Variants in NSMCE2 observed in about 807,000 individuals in gnomAD.
The protein encoded by NSMCE2 is NSE2 SUMO ligase component of SMC5/6 complex.
In NSMCE2, 24 loss-of-function variants were observed where a neutral mutation model predicts 23.8. The observed-to-expected ratio is 1.01, with a 90% CI of 0.73 to 1.42. NSMCE2 has a LOEUF of 1.42. NSMCE2 is among the 40% of genes most tolerant of loss of function. The probability of loss-of-function intolerance (pLI) is 0.00; values close to 1 mark genes in which losing one functional copy is unlikely to be tolerated. For missense variants in NSMCE2, 284 were observed against 296.5 expected, an observed-to-expected ratio of 0.96 and a Z score of 0.31; for synonymous variants, 92 against 94.1, an observed-to-expected ratio of 0.98 and a Z score of 0.13.
intron 5 of NSMCE2, among the ~76,000 whole-genome samples, chr8:125,347,576 C>G (rs1034853228): frequency 5.5e-4 from 83 of 152,188 alleles, no homozygotes; most frequent in African/African-American, 2.0e-3. Context: ...AAATGCAAGT[C>G]TAGTTGAGTT....
chr8:125,179,339 A>G (rs1035614466), intron 4 of NSMCE2, among the ~76,000 whole-genome samples: 2 of 152,162 alleles, frequency 1.3e-5, no homozygotes, highest in African/African-American at 4.8e-5. Context: ...CCTGTCTCTT[A>G]ATTTAAAACA....
intron 5 of NSMCE2, among the ~76,000 whole-genome samples, chr8:125,350,054 A>G (rs1157850910): frequency 3.3e-5 from 5 of 152,202 alleles, no homozygotes; most frequent in African/African-American, 4.8e-5. Context: ...TGCTTGTCAG[A>G]TGTTTATTGA....
intron 5 of NSMCE2, among the ~76,000 whole-genome samples, chr8:125,339,501 A>G: frequency 6.6e-6 from 1 of 152,126 alleles, no homozygotes; most frequent in East Asian, 1.9e-4. Context: ...CATTTAAATA[A>G]TCATAATCCT....
chr8:125,320,137 C>A (rs1829367221), intron 5 of NSMCE2, among the ~76,000 whole-genome samples: 1 of 150,034 alleles, frequency 6.7e-6, no homozygotes, highest in Non-Finnish European at 1.5e-5. Flanking sequence ...GATCACACCA[C>A]CACACTCCGG....
intron 5 of NSMCE2, chr8:125,351,383 A>G (rs1002104572): frequency 5.3e-5 from 8 of 151,754 alleles, no homozygotes; most frequent in African/African-American, 1.7e-4. Context: ...CGAGTTACCT[A>G]ACTCTACCTT....
intron 3 of NSMCE2, among the ~76,000 whole-genome samples, chr8:125,126,357 T>G: frequency 6.7e-6 from 1 of 149,586 alleles, no homozygotes; most frequent in African/African-American, 2.5e-5. Flanking sequence ...GGTGACAGTG[T>G]GAGACTCTGT....
intron 5 of NSMCE2, among the ~76,000 whole-genome samples, chr8:125,239,438 A>G (rs1825678711): frequency 6.6e-6 from 1 of 152,110 alleles, no homozygotes; most frequent in Non-Finnish European, 1.5e-5. Flanking sequence ...ATAAAGCCCC[A>G]TCTCTATTAA....
At chr8:125,353,666 C>T (rs1177478810) in intron 5 of NSMCE2, among the ~76,000 whole-genome samples, 1 of 152,048 alleles carries the variant, frequency 6.6e-6, no homozygotes, top group Non-Finnish European at 1.5e-5. Flanking sequence ...AGGCGGATCA[C>T]AAGGTCAGGA....
chr8:125,252,069 T>A (rs1826218615), intron 5 of NSMCE2, among the ~76,000 whole-genome samples: 1 of 152,176 alleles, frequency 6.6e-6, no homozygotes, highest in African/African-American at 2.4e-5. Context: ...CTGGAGATGG[T>A]TGAATCCTTG....
At chr8:125,341,667 G>A (rs1830252041) in intron 5 of NSMCE2, among the ~76,000 whole-genome samples, 1 of 152,040 alleles carries the variant, frequency 6.6e-6, no homozygotes, top group East Asian at 1.9e-4. Context: ...ATAGCCTACA[G>A]GAAATTTGAC....
chr8:125,238,429 A>G (rs1281204403), intron 5 of NSMCE2, among the ~76,000 whole-genome samples: 1 of 152,234 alleles, frequency 6.6e-6, no homozygotes, highest in Non-Finnish European at 1.5e-5. Context: ...TAAATTATTA[A>G]CAGCAATCCC....
chr8:125,210,744 C>T (rs189779519), intron 5 of NSMCE2, among the ~76,000 whole-genome samples: 1 of 152,196 alleles, frequency 6.6e-6, no homozygotes, highest in African/African-American at 2.4e-5. Context: ...GACAGGGTCT[C>T]ACTCTGTTGC....
At chr8:125,128,077 T>C (rs190345388) in intron 3 of NSMCE2, among the ~76,000 whole-genome samples, 3 of 152,298 alleles carry the variant, frequency 2.0e-5, no homozygotes, top group Admixed American at 1.3e-4. Flanking sequence ...AAAATAGACA[T>C]GGCCATTGTG....
chr8:125,120,503 G>A (rs779163933), intron 3 of NSMCE2, among the ~76,000 whole-genome samples: 8 of 152,184 alleles, frequency 5.3e-5, no homozygotes, highest in Non-Finnish European at 1.0e-4. Context: ...TGTTTGAAAT[G>A]TCATGATAAT....
chr8:125,270,395 G>A (rs1256979007), intron 5 of NSMCE2, among the ~76,000 whole-genome samples: 1 of 152,168 alleles, frequency 6.6e-6, no homozygotes, highest in Admixed American at 6.5e-5. Context: ...AACCCAGGAG[G>A]TGGAGGTTGC....
intron 5 of NSMCE2, among the ~76,000 whole-genome samples, chr8:125,342,799 G>A (rs1830296242): frequency 6.6e-6 from 1 of 152,128 alleles, no homozygotes; most frequent in Admixed American, 6.5e-5. Flanking sequence ...TGGAAGTTCA[G>A]GTAGCCCTGC....
chr8:125,316,104 G>A (rs1829168924), intron 5 of NSMCE2, among the ~76,000 whole-genome samples: 2 of 152,190 alleles, frequency 1.3e-5, no homozygotes. Flanking sequence ...ACTACACCTG[G>A]TCTAAACCTC....
intron 5 of NSMCE2, among the ~76,000 whole-genome samples, chr8:125,326,627 C>G (rs1367184067): frequency 1.3e-5 from 2 of 148,200 alleles, no homozygotes; most frequent in Admixed American, 1.3e-4. Flanking sequence ...TGTGCATATT[C>G]TTTTATAAGT....
At chr8:125,320,251 G>GGGAGGGAGGGAGGGAA (rs1829384986) in intron 5 of NSMCE2, among the ~76,000 whole-genome samples, 1 of 58,298 alleles carries the variant, frequency 1.7e-5, no homozygotes, top group African/African-American at 7.9e-5. Context: ...GAGGGAGGGA[G>GGGAGGGAGGGAGGGAA]GGAAGGAAGG....
Sources: allele counts gnomAD v4.1 joint callset (sites outside exome capture counted in the v4.1 genomes callset), GRCh38; gene constraint gnomAD v4.1.1; transcripts MANE v1.5; gene names NCBI Gene and HGNC (gene_info 2026-07-23, HGNC 2026-07-21).